WNT7B: variants seen among roughly 807,000 people sequenced by gnomAD.
WNT7B encodes Wnt family member 7B, also known as protein Wnt-7b.
In WNT7B, 19 loss-of-function variants were observed where a neutral mutation model predicts 38.2. That is an observed-to-expected ratio of 0.50 (90% CI 0.35 to 0.73). The LOEUF (loss-of-function observed/expected upper bound fraction) is 0.73, where lower values mean the gene tolerates loss of function less well. WNT7B is among the 30% of genes least tolerant of loss of function. The probability of loss-of-function intolerance (pLI) is 0.01; values close to 1 mark genes in which losing one functional copy is unlikely to be tolerated. For synonymous variants in WNT7B, 243 were observed against 209.3 expected, an observed-to-expected ratio of 1.16 and a Z score of -1.39; for missense variants, 423 against 507.9, an observed-to-expected ratio of 0.83 and a Z score of 1.61.
Position 45,939,635 on chromosome 22 carries a change from ACACACACACACACT to A in WNT7B, c.299-8280_299-8267del, listed in dbSNP as rs113553741. 5.3e-4 allele frequency among the ~76,000 whole-genome samples: 77 copies of A among 145,640 alleles called. 1 individual carries two copies. Among genetic ancestry groups the A allele is most frequent in the African/African-American group, 1.9e-3 (71 of 36,548 alleles). ...ATGGCAAAACCCTGTCTCTACAAAC[ACACACACACACACT>A]CACACACACACACACACACACAAAA... On this transcript the variant is annotated intron_variant, in intron 2 of 3. Coordinates refer to ENST00000339464, the MANE Select transcript of WNT7B (RefSeq NM_058238.3).
chr22:45,952,227 T>C (rs957146270), intron 1 of WNT7B, among the ~76,000 whole-genome samples: 4 of 152,190 alleles, frequency 2.6e-5, no homozygotes, highest in Non-Finnish European at 5.9e-5. Context: ...CGCCCTTTTC[T>C]TGAGGGAAAT....
intron 2 of WNT7B, among the ~76,000 whole-genome samples, chr22:45,940,337 G>T (rs975378774): frequency 6.6e-6 from 1 of 152,100 alleles, no homozygotes; most frequent in Non-Finnish European, 1.5e-5. Flanking sequence ...GATCTGACCA[G>T]GACCCCAGAG....
chr22:45,925,271 CG>C, intron 3 of WNT7B: 1 of 979,448 alleles, frequency 1.0e-6, no homozygotes, highest in Non-Finnish European at 1.2e-6. Flanking sequence ...AGGTGGGTGC[CG>C]GGTGGGCCCT....
rs537430228 is a variant in WNT7B at position 45,931,019 on chromosome 22, G to A, written c.570+79C>T. On this transcript the variant is annotated intron_variant, in intron 3 of 3. Transcript: ENST00000339464. Reference sequence around the variant, plus strand: ...AGACTCAACTGCTTCTGCTAGAAGAGGAGCCTGAGGCTCCGAGAGGTCAGC... The same window carrying A: ...AGACTCAACTGCTTCTGCTAGAAGAAGAGCCTGAGGCTCCGAGAGGTCAGC... 60 of 1,466,618 alleles carry A rather than the reference G, an allele frequency of 4.1e-5. No individual in the cohort carries two copies. In the African/African-American group the frequency reaches 4.1e-4, roughly 10 times the overall value. 90.9% of individuals were successfully genotyped at this position (1,466,618 alleles called of 1,614,324 possible).
In WNT7B at chr22:45,976,555, G is replaced by C; in HGVS notation, c.71+129C>G. The C allele has an allele frequency of 2.0e-6, 2 of 1,018,824 alleles. No homozygotes were observed. Among genetic ancestry groups the C allele is most frequent in the Non-Finnish European group, 1.5e-6 (1 of 688,972 alleles). 63.1% of individuals were successfully genotyped at this position (1,018,824 alleles called of 1,614,324 possible). ...CGTGGGGCGAGGGTCTGACACACGG[G>C]CCAGCCCCGGAGCCCAGAGAGCTGC... On this transcript the variant is annotated intron_variant, in intron 1 of 3. Transcript: ENST00000339464. The surrounding 1 kb of genome is among the most constrained non-coding windows in gnomAD (Gnocchi z 8.5).
intron 3 of WNT7B, chr22:45,925,587 A>G: frequency 1.0e-6 from 1 of 984,626 alleles, no homozygotes; most frequent in Non-Finnish European, 1.2e-6. Context: ...TCCCTCTCCC[A>G]TCCTGTCCAT....
intron 2 of WNT7B, chr22:45,936,173 G>C (rs556341562): frequency 1.8e-5 from 18 of 985,414 alleles, no homozygotes; most frequent in Middle Eastern, 5.2e-4. Context: ...TTCCAGTGCA[G>C]GCTATCTCTG....
chr22:45,955,937 G>C (rs1226849616), intron 1 of WNT7B, among the ~76,000 whole-genome samples: 1 of 152,156 alleles, frequency 6.6e-6, no homozygotes, highest in Non-Finnish European at 1.5e-5. Flanking sequence ...TACAAGGAGG[G>C]GCTGCCGCCA....
chr22:45,927,431 C>T (rs1848029552), intron 3 of WNT7B: 20 of 1,543,944 alleles, frequency 1.3e-5, no homozygotes, highest in Non-Finnish European at 1.7e-5. Flanking sequence ...GGGCCACATG[C>T]CAGCTAGGGG....
chr22:45,969,050 C>G (rs1263445429), intron 1 of WNT7B, among the ~76,000 whole-genome samples: 1 of 152,270 alleles, frequency 6.6e-6, no homozygotes, highest in Non-Finnish European at 1.5e-5. Context: ...CCTGTCCCCA[C>G]ACGGGCCATG....
Position 45,931,265 on chromosome 22 carries a change from G to A in WNT7B, c.403C>T (p.Arg135Cys), listed in dbSNP as rs757834018. The A allele has an allele frequency of 7.5e-6, 12 of 1,598,664 alleles. No individual in the cohort carries two copies. The highest frequency in any genetic ancestry group is 1.7e-5 in the Admixed American group (1 of 59,992). ...TGGTTGTAGTAGCCCTGCTTCTCGCGGTCGCAGCCGCAGTTGCTCAGGTTC... is the reference window on the plus strand; with the variant it reads ...TGGTTGTAGTAGCCCTGCTTCTCGCAGTCGCAGCCGCAGTTGCTCAGGTTC... Reference protein sequence around the residue: ...QGNLSNCGCDREKQGYYNQAE... With the variant: ...QGNLSNCGCDCEKQGYYNQAE... Residue 135 changes from arginine (R) to cysteine (C), a missense_variant, in exon 3 of 4, where the codon CGC (arginine) becomes TGC (cysteine). Physicochemically the swap from Arg to Cys is radical, Grantham distance 180. Coordinates refer to ENST00000339464, the MANE Select transcript of WNT7B (RefSeq NM_058238.3).
intron 2 of WNT7B, among the ~76,000 whole-genome samples, chr22:45,933,599 C>A (rs544719927): frequency 6.6e-6 from 1 of 152,210 alleles, no homozygotes; most frequent in African/African-American, 2.4e-5. Flanking sequence ...AGGGGGATCC[C>A]AGTAAAGGGT....
intron 1 of WNT7B, among the ~76,000 whole-genome samples, chr22:45,950,463 C>G (rs530396627): frequency 3.3e-5 from 5 of 152,360 alleles, no homozygotes; most frequent in African/African-American, 1.2e-4. Context: ...ATACACAGCC[C>G]TTCAGATCAG....
intron 2 of WNT7B, among the ~76,000 whole-genome samples, chr22:45,946,160 G>C (rs1931790011): frequency 6.6e-6 from 1 of 152,178 alleles, no homozygotes; most frequent in African/African-American, 2.4e-5. Context: ...GGACCCTCCA[G>C]AGCTTCACTG....
At chr22:45,959,608 G>C (rs1429059938) in intron 1 of WNT7B, among the ~76,000 whole-genome samples, 1 of 152,004 alleles carries the variant, frequency 6.6e-6, no homozygotes, top group Non-Finnish European at 1.5e-5. Flanking sequence ...CCCAAAAACC[G>C]ACCCCACAAA....
At chr22:45,933,311 C>T (rs1156596016) in intron 2 of WNT7B, among the ~76,000 whole-genome samples, 1 of 152,228 alleles carries the variant, frequency 6.6e-6, no homozygotes, top group Non-Finnish European at 1.5e-5. Flanking sequence ...AGCACAGCCC[C>T]TGCCTTTGAA....
At chr22:45,935,433 ACCTGCTGGCTT>A (rs1416324239) in intron 2 of WNT7B, among the ~76,000 whole-genome samples, 1 of 152,136 alleles carries the variant, frequency 6.6e-6, no homozygotes, top group African/African-American at 2.4e-5. Flanking sequence ...TGAATAAAGG[ACCTGCTGGCTT>A]CCTGCCGCCT....
rs1196710125 is a variant in WNT7B at position 45,975,572 on chromosome 22, T to C, written c.71+1112A>G. 1.4e-6 allele frequency: 1 copy of C among 716,780 alleles called. No homozygotes were observed. The highest frequency in any genetic ancestry group is 2.7e-5 in the East Asian group (1 of 37,280). The allele number at this position is 716,780 out of a possible 1,614,324, so 44.4% of individuals were successfully genotyped here. On this transcript the variant is annotated intron_variant, in intron 1 of 3. Transcript: ENST00000339464. The surrounding 1 kb of genome is among the most constrained non-coding windows in gnomAD (Gnocchi z 6.6). ...GTAAAATGGCGGGGCAGACATGGGA[T>C]GGAGGGTGATGGAGAGACGATTCCC...
intron 2 of WNT7B, among the ~76,000 whole-genome samples, chr22:45,943,054 GTGTGTGCAGTGTGCACA>G (rs1469463962): frequency 1.3e-5 from 2 of 150,484 alleles, no homozygotes; most frequent in Non-Finnish European, 2.9e-5. Context: ...CAGCATGCAT[GTGTGTGCAGTGTGCACA>G]TGTGTGCACG....
Sources: allele counts gnomAD v4.1 joint callset (sites outside exome capture counted in the v4.1 genomes callset), GRCh38; gene constraint gnomAD v4.1.1; non-coding constraint Gnocchi (gnomAD v3.1); transcripts MANE v1.5; gene names NCBI Gene and HGNC (gene_info 2026-07-23, HGNC 2026-07-21).